The following ZNF385D variants were observed in gnomAD, a reference collection of about 807,000 sequenced individuals.
ZNF385D encodes the protein zinc finger protein 659.
In ZNF385D, 15 loss-of-function variants were observed where a neutral mutation model predicts 35.8. That is an observed-to-expected ratio of 0.42 (90% CI 0.28 to 0.64). The LOEUF is 0.64. Ranked by LOEUF, ZNF385D falls within the 30% of genes least tolerant of loss-of-function variation. ZNF385D has a pLI of 0.23. For missense variants in ZNF385D, 474 were observed against 494.6 expected (o/e 0.96, Z 0.39); for synonymous variants, 212 against 186.8 (o/e 1.13, Z -1.10).
At chr3:22,247,343 T>G (rs978751766) in intron 2 of ZNF385D, among the ~76,000 whole-genome samples, 12 of 152,120 alleles carry the variant, frequency 7.9e-5, no homozygotes, top group African/African-American at 2.7e-4. Context: ...AGTGTGTATA[T>G]TTAGCATGTA....
chr3:21,569,553 T>C (rs2125669841), intron 2 of ZNF385D, among the ~76,000 whole-genome samples: 1 of 150,978 alleles, frequency 6.6e-6, no homozygotes, highest in African/African-American at 2.4e-5. Context: ...GAGCATTTAG[T>C]CCATTTACAT....
upstream of ZNF385D, among the ~76,000 whole-genome samples, chr3:21,753,857 C>G (rs1002870960): frequency 1.3e-5 from 2 of 151,962 alleles, no homozygotes; most frequent in African/African-American, 4.8e-5. Context: ...TCTCACCCTG[C>G]AGCTCTGGTA....
At chr3:22,290,070 A>G (rs1035991583) in intron 2 of ZNF385D, among the ~76,000 whole-genome samples, 6 of 152,118 alleles carry the variant, frequency 3.9e-5, no homozygotes, top group African/African-American at 1.4e-4. Flanking sequence ...GAACTGCTAC[A>G]TTGTTTTGTG....
At chr3:22,247,383 A>T (rs1699841527) in intron 2 of ZNF385D, among the ~76,000 whole-genome samples, 1 of 152,232 alleles carries the variant, frequency 6.6e-6, no homozygotes, top group African/African-American at 2.4e-5. Context: ...CAGATTTTTT[A>T]TACTATGTGA....
intron 2 of ZNF385D, among the ~76,000 whole-genome samples, chr3:22,260,376 T>C (rs1700563258): frequency 6.6e-6 from 1 of 151,782 alleles, no homozygotes; most frequent in South Asian, 2.1e-4. Context: ...AGGGAGAGCA[T>C]TAGGACAAAT....
chr3:21,956,170 G>T (rs1177439753), intron 3 of ZNF385D, among the ~76,000 whole-genome samples: 1 of 151,834 alleles, frequency 6.6e-6, no homozygotes. Flanking sequence ...CTGGGTGAGA[G>T]AGTGAGACTA....
At chr3:21,785,599 T>C (rs937276071) in intron 3 of ZNF385D, among the ~76,000 whole-genome samples, 42 of 152,200 alleles carry the variant, frequency 2.8e-4, no homozygotes, top group Non-Finnish European at 4.3e-4. Context: ...TCCTACTCAC[T>C]GATTCTATAA....
rs184160917 is a variant in ZNF385D, at chr3:21,595,550, C to G, written c.166-30866G>C. ...ATGTAATATATACATAGTAGGAAAA[C>G]AGTATACCTACTACGTGAGCAATGT... On this transcript the variant is annotated intron_variant, in intron 2 of 7. Transcript: ENST00000281523. Among the ~76,000 whole-genome samples, 7 of 151,166 alleles carry G rather than the reference C, an allele frequency of 4.6e-5. 1 individual carries two copies. The highest frequency in any genetic ancestry group is 1.7e-4 in the African/African-American group (7 of 41,264).
intron 2 of ZNF385D, among the ~76,000 whole-genome samples, chr3:22,200,902 C>T (rs955762980): frequency 1.3e-5 from 2 of 152,286 alleles, no homozygotes; most frequent in South Asian, 4.1e-4. Flanking sequence ...GTAAGGTTAT[C>T]TCTCTTGTTC....
At chr3:21,469,398 T>C (rs758844436) in intron 4 of ZNF385D, among the ~76,000 whole-genome samples, 15 of 152,326 alleles carry the variant, frequency 9.8e-5, no homozygotes, top group Middle Eastern at 3.4e-3. Flanking sequence ...TCACGAAACA[T>C]GTTTTTAGTA....
intron 3 of ZNF385D, among the ~76,000 whole-genome samples, chr3:21,770,917 G>T (rs370528672): frequency 6.6e-6 from 1 of 152,118 alleles, no homozygotes; most frequent in African/African-American, 2.4e-5. Context: ...CCATAAAAAA[G>T]GATGAGTTCA....
intron 3 of ZNF385D, among the ~76,000 whole-genome samples, chr3:21,947,391 G>A (rs986528960): frequency 7.3e-5 from 11 of 151,550 alleles, no homozygotes; most frequent in African/African-American, 2.7e-4. Flanking sequence ...TCGCTCTGTC[G>A]CCCAGATTGT....
At chr3:21,819,793 C>T (rs1435068065) in intron 3 of ZNF385D, among the ~76,000 whole-genome samples, 2 of 121,890 alleles carry the variant, frequency 1.6e-5, no homozygotes, top group Admixed American at 1.6e-4. Context: ...ATATAATATA[C>T]ATATATACAT....
chr3:21,952,819 A>G (rs926638337), intron 3 of ZNF385D, among the ~76,000 whole-genome samples: 24 of 152,112 alleles, frequency 1.6e-4, no homozygotes, highest in African/African-American at 5.5e-4. Context: ...AAAACTAAAC[A>G]TTTCCATTGC....
chr3:22,115,872 A>G (rs1702784267), intron 3 of ZNF385D, among the ~76,000 whole-genome samples: 1 of 152,090 alleles, frequency 6.6e-6, no homozygotes, highest in Non-Finnish European at 1.5e-5. Flanking sequence ...AAATAAAACT[A>G]TCTTTGCAAT....
intron 3 of ZNF385D, among the ~76,000 whole-genome samples, chr3:21,957,985 C>A (rs529610256): frequency 1.3e-5 from 2 of 152,222 alleles, no homozygotes; most frequent in East Asian, 3.9e-4. Flanking sequence ...CACATCAGCA[C>A]CCTGCTTCTC....
At chr3:21,632,599 G>A (rs1336430157) in intron 2 of ZNF385D, among the ~76,000 whole-genome samples, 2 of 152,148 alleles carry the variant, frequency 1.3e-5, no homozygotes, top group Non-Finnish European at 2.9e-5. Flanking sequence ...TGCTCTGGGA[G>A]ATTGAACAAT....
chr3:21,802,306 G>A (rs1232707512), intron 3 of ZNF385D, among the ~76,000 whole-genome samples: 4 of 152,106 alleles, frequency 2.6e-5, no homozygotes, highest in Non-Finnish European at 5.9e-5. Context: ...TGATCATGGG[G>A]TAATTTCTTT....
intron 2 of ZNF385D, among the ~76,000 whole-genome samples, chr3:21,626,875 A>G (rs1030801824): frequency 6.6e-6 from 1 of 152,112 alleles, no homozygotes; most frequent in African/African-American, 2.4e-5. Context: ...TGTCAGAGCC[A>G]GAGGCCAAGG....
Sources: allele counts gnomAD v4.1 joint callset (sites outside exome capture counted in the v4.1 genomes callset), GRCh38; gene constraint gnomAD v4.1.1; transcripts MANE v1.5; gene names NCBI Gene and HGNC (gene_info 2026-07-23, HGNC 2026-07-21).